CUEDC1: variants seen among roughly 807,000 people sequenced by gnomAD.
CUEDC1 encodes CUE domain containing 1.
Under a neutral mutation model 43.7 loss-of-function variants are expected in CUEDC1, and 30 were observed. That is an observed-to-expected ratio of 0.69 (90% confidence interval 0.51 to 0.93). The LOEUF (loss-of-function observed/expected upper bound fraction) is 0.93. Ranked by LOEUF, CUEDC1 falls within the 40% of genes least tolerant of loss-of-function variation. CUEDC1 has a pLI of 0.00. For synonymous variants in CUEDC1, 223 were observed against 223.6 expected, an observed-to-expected ratio of 1.00 and a Z score of 0.02; for missense variants, 486 against 549.0, an observed-to-expected ratio of 0.89 and a Z score of 1.15.
intron 9 of CUEDC1, 106 bp from the exon 10 acceptor site, chr17:57,866,650 C>T: frequency 1.8e-6 from 2 of 1,094,068 alleles, no homozygotes; most frequent in East Asian, 2.4e-5. Flanking sequence ...CTGCCCCCTT[C>T]ATTTGGGACC....
chr17:57,865,439 C>T (rs1325530183), intron 10 of CUEDC1, among the ~76,000 whole-genome samples: 1 of 152,144 alleles, frequency 6.6e-6, no homozygotes, highest in African/African-American at 2.4e-5. Flanking sequence ...GTGAGTATTT[C>T]TCCATCGTCT....
At chr17:57,932,810 C>T (rs149445393) in intron 1 of CUEDC1, among the ~76,000 whole-genome samples, 5,751 of 150,936 alleles carry the variant, frequency 0.038, 141 homozygotes, top group South Asian at 0.074. Context: ...TGCAGTGAGC[C>T]GAGATTGTGC....
At chr17:57,940,055 TGA>T in intron 1 of CUEDC1, among the ~76,000 whole-genome samples, 1 of 152,032 alleles carries the variant, frequency 6.6e-6, no homozygotes, top group Non-Finnish European at 1.5e-5. Flanking sequence ...GAGTCTGAAC[TGA>T]GAGACAAGCT....
At chr17:57,926,256 G>T (rs2074746423) in intron 1 of CUEDC1, among the ~76,000 whole-genome samples, 1 of 152,160 alleles carries the variant, frequency 6.6e-6, no homozygotes. Flanking sequence ...CACCAAAGGT[G>T]CCTCTGCATG....
In CUEDC1 at chr17:57,885,872, G is replaced by A; in HGVS notation, c.-308C>T. ...GCATCCTGGCACCGGTTTCACGGAT[G>A]GTCCCACCTGAAACCGAAAGAGATG... On this transcript the variant is annotated 5_prime_UTR_variant, in exon 2 of 11. Coordinates refer to ENST00000577830, the MANE Select transcript of CUEDC1 (RefSeq NM_001271875.2). 3.9e-6 allele frequency: 1 copy of A among 256,880 alleles called. No homozygotes were observed. The highest frequency in any genetic ancestry group is 7.3e-6 in the Non-Finnish European group (1 of 136,702). The allele number at this position is 256,880 out of a possible 1,614,324, so 15.9% of individuals were successfully genotyped here.
chr17:57,887,795 A>G (rs186715869), intron 1 of CUEDC1, among the ~76,000 whole-genome samples: 70 of 148,078 alleles, frequency 4.7e-4, no homozygotes, highest in African/African-American at 1.6e-3. Flanking sequence ...ATGAGCTTCA[A>G]TGCTTGGCCA....
intron 1 of CUEDC1, among the ~76,000 whole-genome samples, chr17:57,935,579 T>TC (rs2074853678): frequency 6.6e-6 from 1 of 151,590 alleles, no homozygotes; most frequent in Non-Finnish European, 1.5e-5. Context: ...GCCCGCCCCA[T>TC]CCCCGCTGCC....
chr17:57,937,359 C>T (rs1366842109), intron 1 of CUEDC1, among the ~76,000 whole-genome samples: 1 of 151,974 alleles, frequency 6.6e-6, no homozygotes, highest in African/African-American at 2.4e-5. Context: ...ACCTGTCATC[C>T]CAACACTTTG....
intron 1 of CUEDC1, among the ~76,000 whole-genome samples, chr17:57,928,684 C>T (rs571086685): frequency 4.6e-5 from 7 of 151,712 alleles, no homozygotes; most frequent in African/African-American, 1.7e-4. Flanking sequence ...CAAGAAATAG[C>T]GAAGAGGGCA....
chr17:57,892,215 T>C (rs1437735461), intron 1 of CUEDC1, among the ~76,000 whole-genome samples: 1 of 152,184 alleles, frequency 6.6e-6, no homozygotes, highest in Admixed American at 6.5e-5. Context: ...GAATGCGTTA[T>C]TATCTCACTT....
chr17:57,905,252 A>ACACACACACACACG (rs1347963803), intron 1 of CUEDC1, among the ~76,000 whole-genome samples: 1 of 98,466 alleles, frequency 1.0e-5, no homozygotes. Context: ...TCTCTCTGAC[A>ACACACACACACACG]CACACACACA....
At chr17:57,879,485 G>T in intron 3 of CUEDC1, 126 bp downstream of exon 3, 2 of 1,243,516 alleles carry the variant, frequency 1.6e-6, no homozygotes, top group Non-Finnish European at 2.1e-6. Context: ...GTCTCTTGCT[G>T]CAGTAGAAGC....
chr17:57,943,838 A>C lies in CUEDC1; in HGVS notation c.-316+11387T>G, dbSNP rs569852324. Among the ~76,000 whole-genome samples, 12 of 152,312 alleles carry C rather than the reference A, an allele frequency of 7.9e-5. No homozygotes were observed. The South Asian group carries it at 2.5e-3, about 32-fold the overall frequency. ...ATATATTCCATCCCTCATTGTTTCCAAGACTGTGATCTGTACACTTAATCT... is the reference window on the plus strand; with the variant it reads ...ATATATTCCATCCCTCATTGTTTCCCAGACTGTGATCTGTACACTTAATCT... On this transcript the variant is annotated intron_variant, in intron 1 of 10. Coordinates refer to ENST00000577830, the MANE Select transcript of CUEDC1 (RefSeq NM_001271875.2).
chr17:57,950,628 A>G (rs1412894295), intron 1 of CUEDC1, among the ~76,000 whole-genome samples: 1 of 151,930 alleles, frequency 6.6e-6, no homozygotes, highest in African/African-American at 2.4e-5. Flanking sequence ...GCCCACCACC[A>G]TGCCCGGCTA....
At chr17:57,926,737 T>C (rs2074750958) in intron 1 of CUEDC1, among the ~76,000 whole-genome samples, 1 of 152,202 alleles carries the variant, frequency 6.6e-6, no homozygotes, top group African/African-American at 2.4e-5. Context: ...GCATTTTGCT[T>C]CTCTTTCAGG....
intron 2 of CUEDC1, 118 bp from the exon 3 acceptor site, chr17:57,879,856 G>C (rs1476777252): frequency 3.8e-6 from 4 of 1,043,332 alleles, no homozygotes; most frequent in Non-Finnish European, 5.5e-6. Context: ...TGTGTTGCTA[G>C]TGGGAGTGTA....
intron 1 of CUEDC1, among the ~76,000 whole-genome samples, chr17:57,935,568 G>C (rs9910748): frequency 3.3e-5 from 5 of 152,098 alleles, no homozygotes; most frequent in Non-Finnish European, 7.4e-5. Flanking sequence ...CTCATAGCCA[G>C]GCCCGCCCCA....
intron 1 of CUEDC1, among the ~76,000 whole-genome samples, chr17:57,953,139 A>G (rs575575284): frequency 6.6e-6 from 1 of 152,226 alleles, no homozygotes; most frequent in Non-Finnish European, 1.5e-5. Flanking sequence ...CTACTAAAGC[A>G]CCTCAACCCC....
intron 2 of CUEDC1, among the ~76,000 whole-genome samples, chr17:57,880,952 A>G (rs1209392245): frequency 6.6e-6 from 1 of 152,166 alleles, no homozygotes; most frequent in African/African-American, 2.4e-5. Flanking sequence ...TCCAAGATCA[A>G]AGAATATGGG....
Sources: allele counts gnomAD v4.1 joint callset (sites outside exome capture counted in the v4.1 genomes callset), GRCh38; gene constraint gnomAD v4.1.1; transcripts MANE v1.5; gene names NCBI Gene and HGNC (gene_info 2026-07-23, HGNC 2026-07-21).